The following ANKMY2 variants were observed in gnomAD, a reference collection of about 807,000 sequenced individuals.
The protein encoded by ANKMY2 is ankyrin repeat and MYND domain-containing protein 2.
ANKMY2 carries 36 observed loss-of-function variants against 50.4 expected under a neutral mutation model. The observed-to-expected ratio is 0.71, with a 90% CI of 0.55 to 0.94. ANKMY2 has a LOEUF of 0.94. Ranked by LOEUF, ANKMY2 falls within the 40% of genes least tolerant of loss-of-function variation. ANKMY2 has a pLI of 0.00. For synonymous variants in ANKMY2, 187 were observed against 178.8 expected (o/e 1.05, Z -0.36); for missense variants, 565 against 524.0 (o/e 1.08, Z -0.76).
chr7:16,615,697 T>C (rs763742475), intron 5 of ANKMY2, 47 bp downstream of exon 5: 41 of 1,611,552 alleles, frequency 2.5e-5, no homozygotes, highest in Non-Finnish European at 3.5e-5. Flanking sequence ...GTTTAAACTC[T>C]GAAGCAATAT....
chr7:16,607,955 C>T (rs1479731294), intron 7 of ANKMY2, among the ~76,000 whole-genome samples: 1 of 152,068 alleles, frequency 6.6e-6, no homozygotes, highest in East Asian at 1.9e-4. Flanking sequence ...TCTGGGAGAG[C>T]TTATGTTTTC....
At chr7:16,626,195 G>A (rs1349317993) in intron 3 of ANKMY2, among the ~76,000 whole-genome samples, 1 of 151,926 alleles carries the variant, frequency 6.6e-6, no homozygotes, top group African/African-American at 2.4e-5. Flanking sequence ...TGCCTAGGAT[G>A]GTCCGAACTC....
rs1781030891 is a variant in ANKMY2, at chr7:16,600,595, A to G, written c.*166T>C. On this transcript the variant is annotated 3_prime_UTR_variant, in exon 10 of 10. Transcript: ENST00000306999. ...ATTATAGAACAGAAATCAATAGGAAATTAGGGCATGGTCAACAGGGGTTTG... is the reference window on the plus strand; with the variant it reads ...ATTATAGAACAGAAATCAATAGGAAGTTAGGGCATGGTCAACAGGGGTTTG... The G allele has an allele frequency of 2.1e-6, 1 of 474,896 alleles. No homozygotes were observed. Among genetic ancestry groups the G allele is most frequent in the Non-Finnish European group, 3.4e-6 (1 of 292,530 alleles). 29.4% of individuals were successfully genotyped at this position (474,896 alleles called of 1,614,324 possible). A position where few individuals can be genotyped will look rare whatever the true frequency, so the allele number is the denominator to read the frequency against.
At position 16,602,487 on chromosome 7, in the gene ANKMY2, C is replaced by A. The variant is rs776948367; in HGVS notation, c.1034G>T (p.Cys345Phe). 2.5e-6 allele frequency: 4 copies of A among 1,613,264 alleles called. No homozygotes were observed. The highest frequency in any genetic ancestry group is 1.7e-6 in the Non-Finnish European group (2 of 1,179,802). ...CKMVIYCDQT[C>F]QKTHWFTHKK... ...ATGAGTAAACCAGTGTGTTTTCTGG[C>A]AGGTTTGATCACAATATATTACCTG... is the stretch of plus-strand genomic sequence containing the variant. Residue 345 changes from cysteine to phenylalanine, a missense_variant, in exon 9 of 10, where the codon TGC (cysteine) becomes TTC (phenylalanine). Coordinates refer to ENST00000306999, the MANE Select transcript of ANKMY2 (RefSeq NM_020319.3).
chr7:16,641,192 C>G (rs1006399117), intron 1 of ANKMY2, among the ~76,000 whole-genome samples: 1 of 152,014 alleles, frequency 6.6e-6, no homozygotes, highest in Non-Finnish European at 1.5e-5. Flanking sequence ...CGAGAGCGCA[C>G]CATTGCATTC....
At chr7:16,613,539 C>T (rs538474862) in intron 5 of ANKMY2, among the ~76,000 whole-genome samples, 1 of 151,880 alleles carries the variant, frequency 6.6e-6, no homozygotes, top group Non-Finnish European at 1.5e-5. Flanking sequence ...TAGGATAGCC[C>T]CCTTCATACT....
At chr7:16,640,076 G>C (rs528628354) in intron 1 of ANKMY2, among the ~76,000 whole-genome samples, 17 of 152,282 alleles carry the variant, frequency 1.1e-4, no homozygotes, top group African/African-American at 4.1e-4. Flanking sequence ...TGAGACAGGA[G>C]AATTGCTTGA....
chr7:16,610,562 T>C lies in ANKMY2; in HGVS notation c.733A>G (p.Thr245Ala), dbSNP rs1212187494. 1 of 1,611,256 alleles carries C rather than the reference T, an allele frequency of 6.2e-7. No homozygotes were observed. The highest frequency in any genetic ancestry group is 1.7e-5 in the Admixed American group (1 of 59,752). Residue 245 changes from threonine to alanine, a missense_variant, in exon 6 of 10, where the codon ACC becomes GCC. Physicochemically the swap from Thr to Ala is moderately conservative, Grantham distance 58. Transcript: ENST00000306999. ...FLKDGENKLD[T>A]LIKSLLKGRA... The stretch of plus-strand genomic sequence containing the variant: ...TAAAAAGAGTACCTTTTGATCAAGG[T>C]GTCCAGTTTATTCTCTCCATCTTTT...
chr7:16,612,898 A>G (rs2177539), intron 5 of ANKMY2, among the ~76,000 whole-genome samples: 32,782 of 152,200 alleles, frequency 0.22, 3,791 homozygotes, highest in Non-Finnish European at 0.26. Context: ...TTCTATTGGC[A>G]TTAAAAACTA....
At position 16,602,364 on chromosome 7, in the gene ANKMY2, G is replaced by GT. The variant is rs1056775785; in HGVS notation, c.1141+15dup. ...TCCACTAAAAAGCAGAGTGAACTCG[G>GT]TTTTTATATACATACGGTTTTCCTC... On this transcript the variant is annotated intron_variant, in intron 9 of 9. Transcript: ENST00000306999. 1.6e-5 allele frequency: 26 copies of GT among 1,608,294 alleles called. No homozygotes were observed. The highest frequency in any genetic ancestry group is 2.2e-5 in the Non-Finnish European group (26 of 1,178,552).
At chr7:16,607,247 T>G (rs1781175414) in intron 7 of ANKMY2, among the ~76,000 whole-genome samples, 2 of 152,314 alleles carry the variant, frequency 1.3e-5, no homozygotes, top group Middle Eastern at 3.4e-3. Context: ...TCTTGATGAC[T>G]CAGATCACTG....
intron 2 of ANKMY2, 50 bp from the exon 3 acceptor site, chr7:16,627,228 T>C (rs1781519408): frequency 7.8e-7 from 1 of 1,286,550 alleles, no homozygotes; most frequent in African/African-American, 1.5e-5. Flanking sequence ...TTATCTTTTC[T>C]GTACCTATGA....
chr7:16,623,093 T>C (rs1173628665), intron 4 of ANKMY2, among the ~76,000 whole-genome samples: 3 of 152,254 alleles, frequency 2.0e-5, no homozygotes, highest in South Asian at 2.1e-4. Context: ...GAAAACAAGC[T>C]ACAAGGAATA....
At chr7:16,639,910 A>C (rs1251559357) in intron 1 of ANKMY2, among the ~76,000 whole-genome samples, 3 of 152,180 alleles carry the variant, frequency 2.0e-5, no homozygotes, top group Admixed American at 2.0e-4. Flanking sequence ...CTGTAATCAC[A>C]GCACTTTGGG....
Position 16,604,829 on chromosome 7 carries a change from G to A in ANKMY2, c.903C>T (p.Phe301=). 1 of 1,613,538 alleles carries A rather than the reference G, an allele frequency of 6.2e-7. No individual in the cohort carries two copies. The highest frequency in any genetic ancestry group is 8.5e-7 in the Non-Finnish European group (1 of 1,179,756). ...PVEIGSDPTA[F]SVLTQAITGQ... is the part of the protein sequence containing the mutation. The stretch of plus-strand genomic sequence containing the variant: ...CAGTGATGGCTTGGGTAAGGACGGA[G>A]AATGCAGTGGGATCAGAACCCTAGA... The change falls in exon 8 of 10, where the codon TTC becomes TTT. Residue 301 remains phenylalanine (F), a synonymous_variant. Transcript: ENST00000306999.
intron 2 of ANKMY2, among the ~76,000 whole-genome samples, chr7:16,630,239 T>A (rs922493423): frequency 8.5e-5 from 13 of 152,206 alleles, no homozygotes; most frequent in Non-Finnish European, 1.9e-4. Context: ...CACTTTTATA[T>A]TTAAAATCTC....
chr7:16,624,538 A>C (rs1304503584), intron 4 of ANKMY2, among the ~76,000 whole-genome samples: 3 of 152,216 alleles, frequency 2.0e-5, no homozygotes, highest in Admixed American at 6.5e-5. Context: ...TGTTACATGG[A>C]AAGTTCAAGT....
chr7:16,609,649 C>T lies in ANKMY2; in HGVS notation c.863G>A (p.Ser288Asn). The T allele has an allele frequency of 2.5e-6, 4 of 1,608,566 alleles. No homozygotes were observed. The highest frequency in any genetic ancestry group is 3.4e-6 in the Non-Finnish European group (4 of 1,178,354). ...CCTTACAATTTCAACAGGAGCAATG[C>T]TTCGAACCAGCTGCTGGAGGAGTGT... ...EATLLQQLVR[S>N]IAPVEIGSDP... The change falls in exon 7 of 10, where the codon AGC becomes AAC. Residue 288 changes from serine (S) to asparagine (N), a missense_variant. Transcript: ENST00000306999.
At chr7:16,643,880 AT>A (rs1055963465) in intron 1 of ANKMY2, among the ~76,000 whole-genome samples, 3 of 149,190 alleles carry the variant, frequency 2.0e-5, no homozygotes, top group Non-Finnish European at 4.4e-5. Context: ...AAAAAAAAAA[AT>A]CTTTCTAAAG....
Sources: gnomAD v4.1 joint callset for allele counts (sites outside exome capture counted in the v4.1 genomes callset) on GRCh38, gnomAD v4.1.1 for gene constraint, MANE v1.5 for transcripts, NCBI Gene and HGNC (gene_info 2026-07-23, HGNC 2026-07-21) for gene names.